ZNF76: variants seen among roughly 807,000 people sequenced by gnomAD.
ZNF76 encodes zinc finger protein 76, also known as zinc finger protein 523.
A neutral mutation model predicts 66.9 loss-of-function variants in ZNF76; 66 were observed. That is an observed-to-expected ratio of 0.99 (90% CI 0.81 to 1.21). The LOEUF is 1.21. Among genes scored for constraint, ZNF76 ranks in the 50% most tolerant of loss-of-function variants. ZNF76 has a pLI of 0.00. For missense variants in ZNF76, 729 were observed against 760.3 expected (o/e 0.96, Z 0.48); for synonymous variants, 275 against 296.1 (o/e 0.93, Z 0.73).
intron 2 of ZNF76, among the ~76,000 whole-genome samples, chr6:35,284,637 G>A (rs1789274989): frequency 1.3e-5 from 2 of 152,082 alleles, no homozygotes; most frequent in Non-Finnish European, 2.9e-5. Flanking sequence ...CTGACCTCAG[G>A]TGATCTGCTC....
chr6:35,294,095 A>G, intron 12 of ZNF76, 180 bp downstream of exon 12: 4 of 696,848 alleles, frequency 5.7e-6, no homozygotes, highest in Non-Finnish European at 7.0e-6. Context: ...AAGCAGTTGA[A>G]TGGAGGTCAA....
intron 2 of ZNF76, among the ~76,000 whole-genome samples, chr6:35,283,127 G>T (rs1789021810): frequency 6.6e-6 from 1 of 151,720 alleles, no homozygotes; most frequent in Non-Finnish European, 1.5e-5. Context: ...TAAAAAGCAA[G>T]TGACCACACC....
chr6:35,293,039 C>T lies in ZNF76; in HGVS notation c.1324C>T (p.Gln442Ter), dbSNP rs1790659468. The stretch of plus-strand genomic sequence containing the variant: ...GGCTCTGATCACTCAGGATGGTGCC[C>T]AGCAGGTACAGGCCCTGGAGGGCAG... Reference protein sequence around the residue: ...QVALITQDGAQQVSLSPEDLQ... With the variant: ...QVALITQDGA The change falls in exon 11 of 14, where the codon CAG (glutamine) becomes TAG (stop). Residue 442 changes from glutamine (Q) to a stop codon, truncating the protein, a stop_gained. Transcript: ENST00000373953. LOFTEE classifies it high-confidence loss of function. 2 of 1,613,858 alleles carry T rather than the reference C, an allele frequency of 1.2e-6. No homozygotes were observed. Among genetic ancestry groups the T allele is most frequent in the Non-Finnish European group, 1.7e-6 (2 of 1,179,948 alleles).
In ZNF76 at chr6:35,292,636, GCA is replaced by G. The variant is rs754610632; in HGVS notation, c.1022_1023del (p.His341LeufsTer42). 7 of 1,614,048 alleles carry G rather than the reference GCA, an allele frequency of 4.3e-6. No individual in the cohort carries two copies. The highest frequency in any genetic ancestry group is 1.1e-5 in the South Asian group (1 of 91,078). ...CGAGCTTGTATAAGCACCACGTGGT[GCA>G]CACACACTGCAAGCCCTACACCTGC... is the stretch of plus-strand genomic sequence containing the variant. The part of the protein sequence containing the change: ...YSSLYKHHVV[H>X]THCKPYTCST... On this transcript the variant is annotated frameshift_variant, in exon 10 of 14. Transcript: ENST00000373953. LOFTEE classifies it high-confidence loss of function. The surrounding 1 kb of genome is among the most constrained non-coding windows in gnomAD (Gnocchi z 4.7).
At chr6:35,289,824 A>G (rs570671109) in intron 5 of ZNF76, among the ~76,000 whole-genome samples, 2 of 152,200 alleles carry the variant, frequency 1.3e-5, no homozygotes, top group South Asian at 4.2e-4. Context: ...ACTTTTAAGC[A>G]CTAGTTTCGT....
chr6:35,264,666 G>A (rs1383481538), intron 1 of ZNF76, among the ~76,000 whole-genome samples: 2 of 152,144 alleles, frequency 1.3e-5, no homozygotes, highest in Non-Finnish European at 2.9e-5. Context: ...GAGCAAATGA[G>A]CTACTGTTTC....
At chr6:35,262,002 ATTTAATG>A (rs1188980540) in intron 1 of ZNF76, among the ~76,000 whole-genome samples, 1 of 152,194 alleles carries the variant, frequency 6.6e-6, no homozygotes, top group Non-Finnish European at 1.5e-5. Flanking sequence ...ATATACATTT[ATTTAATG>A]TAAGTTTTAT....
intron 2 of ZNF76, 122 bp from the exon 3 acceptor site, chr6:35,286,006 C>A: frequency 1.2e-6 from 1 of 860,936 alleles, no homozygotes; most frequent in Non-Finnish European, 1.9e-6. Flanking sequence ...GAAGATGTTA[C>A]CCATGCTTAG....
chr6:35,286,779 C>T lies in ZNF76; in HGVS notation c.232+380C>T, dbSNP rs111725138. On this transcript the variant is annotated intron_variant, in intron 4 of 13. Coordinates refer to ENST00000373953, the MANE Select transcript of ZNF76 (RefSeq NM_003427.5). ...CTGAAGAATAACAATTTATTCCTTC[C>T]GCAGGTGGTTTCTTGAGTGACTGTT... 649 of 298,678 alleles carry T rather than the reference C, an allele frequency of 2.2e-3. 3 individuals carry two copies. The highest frequency in any genetic ancestry group is 3.3e-3 in the Middle Eastern group (3 of 900). The allele number at this position is 298,678 out of a possible 1,614,324, so 18.5% of individuals were successfully genotyped here.
intron 12 of ZNF76, chr6:35,294,210 T>C (rs749290605): frequency 8.6e-6 from 5 of 584,116 alleles, no homozygotes; most frequent in Non-Finnish European, 1.2e-5. Context: ...GATTAAAATA[T>C]CTCTGGAATT....
At chr6:35,290,477 C>T in intron 6 of ZNF76, 95 bp downstream of exon 6, 1 of 1,566,134 alleles carries the variant, frequency 6.4e-7, no homozygotes, top group Non-Finnish European at 8.7e-7. Context: ...TCCCTGCCCT[C>T]ACGTTGCTGG....
chr6:35,270,381 C>T (rs3777743), intron 1 of ZNF76: 101,967 of 151,522 alleles, frequency 0.67, 37,544 homozygotes, highest in Non-Finnish European at 0.82. Flanking sequence ...GTGATCCGCC[C>T]GCCTTGGCCT....
At chr6:35,291,478 T>C in intron 8 of ZNF76, 75 bp downstream of exon 8, 1 of 1,610,374 alleles carries the variant, frequency 6.2e-7, no homozygotes, top group Non-Finnish European at 8.5e-7. Flanking sequence ...GACTTAGACC[T>C]GGAGCCCAGT....
In ZNF76 at chr6:35,291,401, C is replaced by G; in HGVS notation, c.749C>G (p.Thr250Ser). Reference sequence around the variant, plus strand: ...CTGCAGAAGCATGTCCGTACCCACACTGGTATGCTGGGCCCTGCCCACTCC... The same window carrying G: ...CTGCAGAAGCATGTCCGTACCCACAGTGGTATGCTGGGCCCTGCCCACTCC... ...GDLQKHVRTH[T>S]GERPFQCPFE... is the part of the protein sequence containing the mutation. The change falls in exon 8 of 14, where the codon ACT becomes AGT. Residue 250 changes from threonine to serine, a missense_variant and splice_region_variant. Coordinates refer to ENST00000373953, the MANE Select transcript of ZNF76 (RefSeq NM_003427.5). 6.2e-7 allele frequency: 1 copy of G among 1,614,182 alleles called. No homozygotes were observed. Among genetic ancestry groups the G allele is most frequent in the Non-Finnish European group, 8.5e-7 (1 of 1,180,028 alleles).
In ZNF76 at chr6:35,291,594, G is replaced by T; in HGVS notation, c.788G>T (p.Gly263Val). 6.2e-7 allele frequency: 1 copy of T among 1,614,022 alleles called. No individual in the cohort carries two copies. The highest frequency in any genetic ancestry group is 8.5e-7 in the Non-Finnish European group (1 of 1,179,930). The change falls in exon 9 of 14, where the codon GGC (glycine) becomes GTC (valine). Residue 263 changes from glycine to valine, a missense_variant. Coordinates refer to ENST00000373953, the MANE Select transcript of ZNF76 (RefSeq NM_003427.5). Reference protein sequence around the residue: ...RPFQCPFEGCGRSFTTSNIRK... With the variant: ...RPFQCPFEGCVRSFTTSNIRK... Reference sequence around the variant, plus strand: ...TTCCAGTGCCCTTTTGAGGGCTGTGGCCGCTCCTTCACCACATCTAACATC... The same window carrying T: ...TTCCAGTGCCCTTTTGAGGGCTGTGTCCGCTCCTTCACCACATCTAACATC...
chr6:35,270,169 C>G (rs1346986649), intron 1 of ZNF76, among the ~76,000 whole-genome samples: 1 of 152,196 alleles, frequency 6.6e-6, no homozygotes, highest in East Asian at 1.9e-4. Flanking sequence ...CCAAGTCTTG[C>G]TCTGTCGCCC....
intron 1 of ZNF76, among the ~76,000 whole-genome samples, chr6:35,280,625 G>A (rs1316961526): frequency 6.8e-6 from 1 of 146,366 alleles, no homozygotes; most frequent in Non-Finnish European, 1.5e-5. Context: ...TGTGAGTTCT[G>A]TTGAGGACTT....
intron 1 of ZNF76, among the ~76,000 whole-genome samples, chr6:35,271,532 T>C (rs1787056489): frequency 1.3e-5 from 2 of 152,018 alleles, no homozygotes; most frequent in East Asian, 3.9e-4. Flanking sequence ...TTCCCGGGGG[T>C]GATGGCTCGT....
rs184450261 is a variant in ZNF76 at position 35,292,141 on chromosome 6, T to A, written c.931+404T>A. On this transcript the variant is annotated intron_variant, in intron 9 of 13. Coordinates refer to ENST00000373953, the MANE Select transcript of ZNF76 (RefSeq NM_003427.5). This position sits in a 1 kb window ranked among gnomAD's most constrained non-coding sequence, Gnocchi z 4.7. ...TGTGTATCCTCACCCTCCCCAGTGT[T>A]ATGCCCCTCATCCAGCTTTCTGTGT... The A allele has an allele frequency of 1.1e-4, 44 of 404,732 alleles. No homozygotes were observed. In the East Asian group the frequency reaches 2.1e-3, roughly 20 times the overall value. The allele number at this position is 404,732 out of a possible 1,614,324, so 25.1% of individuals were successfully genotyped here. A position where few individuals can be genotyped will look rare whatever the true frequency, so the allele number is the denominator to read the frequency against.
Sources: allele counts gnomAD v4.1 joint callset (sites outside exome capture counted in the v4.1 genomes callset), GRCh38; gene constraint gnomAD v4.1.1; non-coding constraint Gnocchi (gnomAD v3.1); transcripts MANE v1.5; gene names NCBI Gene and HGNC (gene_info 2026-07-23, HGNC 2026-07-21).